The following CNTLN variants were observed in gnomAD, a reference collection of about 807,000 sequenced individuals.
The protein encoded by CNTLN is centlein, also known as centlein, centrosomal protein.
CNTLN carries 212 observed loss-of-function variants against 180.0 expected under a neutral mutation model. That is an observed-to-expected ratio of 1.18 (90% CI 1.05 to 1.32). The LOEUF is 1.32. CNTLN is among the 40% of genes most tolerant of loss of function. The pLI is 0.00. For synonymous variants in CNTLN, 722 were observed against 563.1 expected, an observed-to-expected ratio of 1.28 and a Z score of -3.99; for missense variants, 2,095 against 1,610.9, an observed-to-expected ratio of 1.30 and a Z score of -5.14.
At chr9:17,209,700 G>C (rs1048603608) in intron 2 of CNTLN, among the ~76,000 whole-genome samples, 3 of 151,932 alleles carry the variant, frequency 2.0e-5, no homozygotes, top group African/African-American at 7.3e-5. Flanking sequence ...TTTTTGTCTT[G>C]AAATCTGTTT....
At chr9:17,241,663 T>C (rs1410072133) in intron 5 of CNTLN, among the ~76,000 whole-genome samples, 2 of 152,082 alleles carry the variant, frequency 1.3e-5, no homozygotes, top group African/African-American at 4.8e-5. Context: ...CTTAACAATA[T>C]TGATTCTTCC....
At position 17,463,095 on chromosome 9, in the gene CNTLN, C is replaced by G. The variant is rs149327117; in HGVS notation, c.3404+82C>G. On this transcript the variant is annotated intron_variant, in intron 20 of 25. Coordinates refer to ENST00000380647, the MANE Select transcript of CNTLN (RefSeq NM_017738.4). ...CTATTAAACGTGCTCCAAGAAACTG[C>G]TAATGTTTACGTTTTCCTTCCCTAG... 19 of 743,778 alleles carry G rather than the reference C, an allele frequency of 2.6e-5. No individual in the cohort carries two copies. In the East Asian group the frequency reaches 5.2e-4, roughly 20 times the overall value. 46.1% of individuals were successfully genotyped at this position (743,778 alleles called of 1,614,324 possible).
At chr9:17,191,149 C>T (rs1202663519) in intron 2 of CNTLN, among the ~76,000 whole-genome samples, 1 of 152,168 alleles carries the variant, frequency 6.6e-6, no homozygotes, top group Non-Finnish European at 1.5e-5. Flanking sequence ...TAACTATTTA[C>T]TAATAGGATA....
chr9:17,236,563 A>G lies in CNTLN; in HGVS notation c.824A>G (p.Lys275Arg), dbSNP rs763714990. ...RKQEAHLRKE[K>R]YSTDAKIKTF... is the part of the protein sequence containing the mutation. ...CAGGAAGCACATTTGAGAAAAGAAAAATATAGCACTGATGCAAAAATAAAG... is the reference window on the plus strand; with the variant it reads ...CAGGAAGCACATTTGAGAAAAGAAAGATATAGCACTGATGCAAAAATAAAG... The change falls in exon 5 of 26, where the codon AAA becomes AGA. Residue 275 changes from lysine to arginine, a missense_variant. Transcript: ENST00000380647. 9.9e-6 allele frequency: 16 copies of G among 1,610,650 alleles called. No homozygotes were observed. The African/African-American group carries it at 1.3e-4, about 14-fold the overall frequency.
chr9:17,252,324 C>G (rs1351494323), intron 5 of CNTLN, among the ~76,000 whole-genome samples: 4 of 151,628 alleles, frequency 2.6e-5, no homozygotes, highest in Non-Finnish European at 4.4e-5. Context: ...TACTCTTTTT[C>G]TTAGTTGTTA....
At chr9:17,506,079 TA>T (rs3084575), downstream of CNTLN, among the ~76,000 whole-genome samples, 135 of 149,580 alleles carry the variant, frequency 9.0e-4, no homozygotes, top group East Asian at 2.6e-3. Context: ...CATCTTGGGT[TA>T]AAAAAAAAAA....
At chr9:17,237,543 G>A (rs567536839) in intron 5 of CNTLN, among the ~76,000 whole-genome samples, 1 of 151,946 alleles carries the variant, frequency 6.6e-6, no homozygotes, top group African/African-American at 2.4e-5. Flanking sequence ...AAAAGATACA[G>A]TATAACAACT....
At chr9:17,161,233 T>G (rs553632807) in intron 2 of CNTLN, among the ~76,000 whole-genome samples, 8 of 152,216 alleles carry the variant, frequency 5.3e-5, no homozygotes, top group African/African-American at 1.7e-4. Flanking sequence ...TAGAAAATAT[T>G]ATTTTCTATG....
chr9:17,148,806 C>T (rs1353132011), intron 2 of CNTLN, among the ~76,000 whole-genome samples: 1 of 152,100 alleles, frequency 6.6e-6, no homozygotes, highest in Non-Finnish European at 1.5e-5. Flanking sequence ...AATAGTGCCA[C>T]AATAATTTTT....
intron 7 of CNTLN, chr9:17,299,723 G>T (rs1270281689): frequency 3.0e-6 from 3 of 984,564 alleles, no homozygotes; most frequent in Admixed American, 1.2e-4. Context: ...TTGCTAAAAT[G>T]ATTTGAAACA....
intron 2 of CNTLN, among the ~76,000 whole-genome samples, chr9:17,207,504 C>A (rs1563880964): frequency 6.6e-6 from 1 of 152,162 alleles, no homozygotes; most frequent in Non-Finnish European, 1.5e-5. Flanking sequence ...AGGGAATCTT[C>A]CGTTGTGCAG....
intron 12 of CNTLN, among the ~76,000 whole-genome samples, chr9:17,362,806 G>A (rs914335223): frequency 1.3e-5 from 2 of 151,890 alleles, no homozygotes; most frequent in Non-Finnish European, 2.9e-5. Context: ...TATTACATAG[G>A]TATACACGTG....
intron 18 of CNTLN, among the ~76,000 whole-genome samples, chr9:17,443,721 G>C (rs1439711177): frequency 1.3e-5 from 2 of 152,068 alleles, no homozygotes; most frequent in African/African-American, 4.8e-5. Context: ...TAAAAATGAA[G>C]AAGGAAATCT....
intron 23 of CNTLN, among the ~76,000 whole-genome samples, chr9:17,483,909 C>A (rs796845587): frequency 1.9e-4 from 29 of 152,294 alleles, no homozygotes; most frequent in African/African-American, 6.5e-4. Flanking sequence ...AATTATGCAG[C>A]TAACCTGTTA....
intron 2 of CNTLN, among the ~76,000 whole-genome samples, chr9:17,151,808 T>C (rs375238776): frequency 1.3e-5 from 2 of 152,312 alleles, no homozygotes; most frequent in South Asian, 2.1e-4. Context: ...TTTTGGTTGG[T>C]AGGCTGTTAA....
At chr9:17,165,196 C>T (rs1819984429) in intron 2 of CNTLN, among the ~76,000 whole-genome samples, 1 of 152,044 alleles carries the variant, frequency 6.6e-6, no homozygotes, top group Non-Finnish European at 1.5e-5. Context: ...CCTTTGATCC[C>T]ATGTATTGAG....
In CNTLN at chr9:17,498,658, A is replaced by C. The variant is rs1182855606; in HGVS notation, c.4120-3893A>C. Among the ~76,000 whole-genome samples, 4 of 152,204 alleles carry C rather than the reference A, an allele frequency of 2.6e-5. No homozygotes were observed. In the East Asian group the frequency reaches 5.8e-4, roughly 22 times the overall value. On this transcript the variant is annotated intron_variant, in intron 25 of 25. Transcript: ENST00000380647. ...TTTTTCTCTTTATGCTAAAGAGTTC[A>C]AGCATGTCTAACTCTGTGCTGATAT...
rs1249256924 is a variant in CNTLN at position 17,394,815 on chromosome 9, A to C, written c.2361A>C (p.Glu787Asp). 1 of 1,614,026 alleles carries C rather than the reference A, an allele frequency of 6.2e-7. No individual in the cohort carries two copies. Among genetic ancestry groups the C allele is most frequent in the Non-Finnish European group, 8.5e-7 (1 of 1,179,986 alleles). ...CAGAAGCTAATGCATTGAGAAATGA[A>C]AATGAAGAGCTGATCAACCCAATGG... Reference protein sequence around the residue: ...QVAEANALRNENEELINPMEK... With the variant: ...QVAEANALRNDNEELINPMEK... The change falls in exon 15 of 26, where the codon GAA becomes GAC. Residue 787 changes from glutamate (E) to aspartate (D), a missense_variant. Coordinates refer to ENST00000380647, the MANE Select transcript of CNTLN (RefSeq NM_017738.4).
intron 2 of CNTLN, among the ~76,000 whole-genome samples, chr9:17,158,150 GATGA>G (rs1819428314): frequency 1.3e-5 from 2 of 152,120 alleles, no homozygotes; most frequent in Non-Finnish European, 2.9e-5. Context: ...TGTCTATTGA[GATGA>G]TCATGTGATT....
Sources: allele counts gnomAD v4.1 joint callset (sites outside exome capture counted in the v4.1 genomes callset), GRCh38; gene constraint gnomAD v4.1.1; transcripts MANE v1.5; gene names NCBI Gene and HGNC (gene_info 2026-07-23, HGNC 2026-07-21).